Variants in ZNF227 observed in about 807,000 individuals in gnomAD.
ZNF227 encodes zinc finger protein 227.
A neutral mutation model predicts 13.2 loss-of-function variants in ZNF227; 12 were observed. The observed-to-expected ratio is 0.91, with a 90% CI of 0.58 to 1.47. The LOEUF (loss-of-function observed/expected upper bound fraction) is 1.47, where lower values mean the gene tolerates loss of function less well. Among genes scored for constraint, ZNF227 ranks in the 40% most tolerant of loss-of-function variants. The pLI is 0.00. For synonymous variants in ZNF227, 338 were observed against 326.0 expected, an observed-to-expected ratio of 1.04 and a Z score of -0.40; for missense variants, 885 against 967.5, an observed-to-expected ratio of 0.91 and a Z score of 1.13.
rs148952276 is a variant in ZNF227 at position 44,236,776 on chromosome 19, T to C, written c.2346T>C (p.Arg782=). The change falls in exon 6 of 6, where the codon CGT becomes CGC. Residue 782 remains arginine, a synonymous_variant. Transcript: ENST00000313040. ...GTGACATATGTGATAAGGACTTCCG[T>C]CACCGTTCACGTCTTACATATCATC... The part of the protein sequence containing the change: ...YKCDICDKDF[R]HRSRLTYHQK... 5 of 1,610,126 alleles carry C rather than the reference T, an allele frequency of 3.1e-6. No individual in the cohort carries two copies. In the African/African-American group the frequency reaches 6.7e-5, roughly 22 times the overall value.
chr19:44,214,068 A>G (rs1325947711), intron 2 of ZNF227, among the ~76,000 whole-genome samples: 2 of 152,202 alleles, frequency 1.3e-5, no homozygotes, highest in Non-Finnish European at 1.5e-5. Flanking sequence ...TTTTTGTATT[A>G]TATGTCAAAA....
Position 44,236,804 on chromosome 19 carries a change from A to G in ZNF227, c.2374A>G (p.Lys792Glu), listed in dbSNP as rs573425493. 9.4e-6 allele frequency: 15 copies of G among 1,592,490 alleles called. No individual in the cohort carries two copies. In the Admixed American group the frequency reaches 2.3e-4, roughly 25 times the overall value. Residue 792 changes from lysine to glutamate, a missense_variant, in exon 6 of 6, where the codon AAA (lysine) becomes GAA (glutamate). By Grantham distance (56) the Lys-to-Glu change is moderately conservative. Coordinates refer to ENST00000313040, the MANE Select transcript of ZNF227 (RefSeq NM_182490.3). ...CCGTTCACGTCTTACATATCATCAG[A>G]AAGTCCATACTGGTAAAAAGCTTTA... Reference protein sequence around the residue: ...RHRSRLTYHQKVHTGKKL With the variant: ...RHRSRLTYHQEVHTGKKL
At position 44,237,160 on chromosome 19, in the gene ZNF227, G is replaced by T; in HGVS notation, c.*330G>T. 1 of 213,506 alleles carries T rather than the reference G, an allele frequency of 4.7e-6. No individual in the cohort carries two copies. The highest frequency in any genetic ancestry group is 9.3e-6 in the Non-Finnish European group (1 of 108,018). 13.2% of individuals were successfully genotyped at this position (213,506 alleles called of 1,614,324 possible). A position where few individuals can be genotyped will look rare whatever the true frequency, so the allele number is the denominator to read the frequency against. On this transcript the variant is annotated 3_prime_UTR_variant, in exon 6 of 6. Coordinates refer to ENST00000313040, the MANE Select transcript of ZNF227 (RefSeq NM_182490.3). Reference sequence around the variant, plus strand: ...GGTTTTTTGGCCAGGGAGAGTTTTGGGTTATTATCCCTTTTCTTTAATTTT... The same window carrying T: ...GGTTTTTTGGCCAGGGAGAGTTTTGTGTTATTATCCCTTTTCTTTAATTTT...
At chr19:44,219,787 A>AT (rs1012374950) in intron 3 of ZNF227, among the ~76,000 whole-genome samples, 55 of 148,878 alleles carry the variant, frequency 3.7e-4, no homozygotes, top group African/African-American at 1.2e-3. Context: ...TTATTTATTT[A>AT]TTATTATTAT....
At chr19:44,221,157 G>T (rs528316622) in intron 3 of ZNF227, among the ~76,000 whole-genome samples, 1 of 151,860 alleles carries the variant, frequency 6.6e-6, no homozygotes, top group Non-Finnish European at 1.5e-5. Flanking sequence ...TTTATAATCC[G>T]TTGGGTATAC....
chr19:44,222,399 G>A (rs1972626811), intron 3 of ZNF227, among the ~76,000 whole-genome samples: 1 of 151,946 alleles, frequency 6.6e-6, no homozygotes, highest in Non-Finnish European at 1.5e-5. Context: ...CCATGAGCAT[G>A]GAATGTTCTT....
chr19:44,216,545 G>A (rs1448481691), intron 2 of ZNF227, among the ~76,000 whole-genome samples: 1 of 152,076 alleles, frequency 6.6e-6, no homozygotes, highest in East Asian at 1.9e-4. Context: ...TTTACCAATT[G>A]TGTGAAATTC....
chr19:44,224,321 C>T (rs953545881), intron 3 of ZNF227, among the ~76,000 whole-genome samples: 1 of 152,072 alleles, frequency 6.6e-6, no homozygotes, highest in African/African-American at 2.4e-5. Context: ...TCCTGGGTAT[C>T]CTTGTTAACT....
At position 44,221,362 on chromosome 19, in the gene ZNF227, G is replaced by C. The variant is rs1169686618; in HGVS notation, c.60+3510G>C. 2.0e-5 allele frequency among the ~76,000 whole-genome samples: 3 copies of C among 152,148 alleles called. No individual in the cohort carries two copies. In the East Asian group the frequency reaches 5.8e-4, roughly 29 times the overall value. On this transcript the variant is annotated intron_variant, in intron 3 of 5. Transcript: ENST00000313040. ...ACTGACTTCCACAATGGTTGAACTA[G>C]TTTACAGTCGCACCAGCAGTGTAAA... is the stretch of plus-strand genomic sequence containing the variant.
chr19:44,208,978 G>T (rs187879693), upstream of ZNF227, among the ~76,000 whole-genome samples: 1 of 152,324 alleles, frequency 6.6e-6, no homozygotes, highest in East Asian at 1.9e-4. Flanking sequence ...GGGAGGCTGA[G>T]GTGGGAGGAT....
chr19:44,210,874 T>C (rs1337492753), upstream of ZNF227, among the ~76,000 whole-genome samples: 5 of 152,232 alleles, frequency 3.3e-5, no homozygotes, highest in Admixed American at 2.6e-4. Context: ...AAGAGTAAAC[T>C]AGAGGACATT....
chr19:44,229,647 G>T (rs1973574209), intron 4 of ZNF227, 86 bp from the exon 5 acceptor site: 4 of 678,910 alleles, frequency 5.9e-6, no homozygotes, highest in Non-Finnish European at 9.2e-6. Context: ...TATCACTATA[G>T]AGGTTGTGAG....
chr19:44,236,692 T>C lies in ZNF227; in HGVS notation c.2262T>C (p.Ser754=), dbSNP rs771495295. 6 of 1,613,762 alleles carry C rather than the reference T, an allele frequency of 3.7e-6. No individual in the cohort carries two copies. The South Asian group carries it at 6.6e-5, about 18-fold the overall frequency. The stretch of plus-strand genomic sequence containing the variant: ...GTGAAGAGTGTGGTAAAGGCTTCAG[T>C]CAGAGTGCACGTCTTGAAGCCCATC... ...FKCEECGKGF[S]QSARLEAHQR... is the part of the protein sequence containing the mutation. Residue 754 remains serine (S), a synonymous_variant, in exon 6 of 6, where the codon AGT becomes AGC. Coordinates refer to ENST00000313040, the MANE Select transcript of ZNF227 (RefSeq NM_182490.3).
intron 2 of ZNF227, among the ~76,000 whole-genome samples, chr19:44,215,454 ATTT>A (rs34991562): frequency 1.4e-5 from 2 of 144,194 alleles, no homozygotes; most frequent in Non-Finnish European, 3.0e-5. Flanking sequence ...TATATGTATA[ATTT>A]TTTTTTTTTT....
At position 44,217,781 on chromosome 19, in the gene ZNF227, T is replaced by G; in HGVS notation, c.-2-10T>G. Reference sequence around the variant, plus strand: ...GGCTTGTGTCTCATGGCGTCTTTGGTCTCCCCCAGTTATGCCATCTCAGAA... The same window carrying G: ...GGCTTGTGTCTCATGGCGTCTTTGGGCTCCCCCAGTTATGCCATCTCAGAA... On this transcript the variant is annotated splice_polypyrimidine_tract_variant and intron_variant, in intron 2 of 5. Transcript: ENST00000313040. 1 of 1,614,144 alleles carries G rather than the reference T, an allele frequency of 6.2e-7. No individual in the cohort carries two copies. The highest frequency in any genetic ancestry group is 8.5e-7 in the Non-Finnish European group (1 of 1,180,012).
chr19:44,216,680 G>C (rs1355596306), intron 2 of ZNF227, among the ~76,000 whole-genome samples: 3 of 64,506 alleles, frequency 4.7e-5, no homozygotes, highest in Admixed American at 1.8e-4. Context: ...TTGATTTTTC[G>C]TTTGTGCTTT....
chr19:44,226,417 TG>T (rs1244596488), intron 3 of ZNF227, among the ~76,000 whole-genome samples: 1 of 152,222 alleles, frequency 6.6e-6, no homozygotes, highest in Non-Finnish European at 1.5e-5. Context: ...TGAGCTGTGG[TG>T]GGCTCCACCC....
upstream of ZNF227, among the ~76,000 whole-genome samples, chr19:44,208,523 A>G (rs891724174): frequency 3.9e-5 from 6 of 152,210 alleles, no homozygotes; most frequent in Non-Finnish European, 8.8e-5. Flanking sequence ...CTAGAGGCTT[A>G]CATAGCCGCT....
At chr19:44,215,167 C>A (rs1262259169) in intron 2 of ZNF227, among the ~76,000 whole-genome samples, 1 of 133,874 alleles carries the variant, frequency 7.5e-6, no homozygotes, top group East Asian at 2.4e-4. Context: ...GACATCAGGT[C>A]AGTTTTTTTT....
Sources: gnomAD v4.1 joint callset for allele counts (sites outside exome capture counted in the v4.1 genomes callset) on GRCh38, gnomAD v4.1.1 for gene constraint, MANE v1.5 for transcripts, NCBI Gene and HGNC (gene_info 2026-07-23, HGNC 2026-07-21) for gene names.